Variants in AGBL1 observed in about 807,000 individuals in gnomAD.
AGBL1 encodes the protein cytosolic carboxypeptidase 4.
In AGBL1, 130 loss-of-function variants were observed where a neutral mutation model predicts 118.9. That is an observed-to-expected ratio of 1.09 (90% CI 0.95 to 1.26). The LOEUF is 1.26. Among genes scored for constraint, AGBL1 ranks in the 50% most tolerant of loss-of-function variants. The probability of loss-of-function intolerance (pLI) is 0.00; values close to 1 mark genes in which losing one functional copy is unlikely to be tolerated. For synonymous variants in AGBL1, 555 were observed against 478.9 expected, an observed-to-expected ratio of 1.16 and a Z score of -2.08; for missense variants, 1,584 against 1,298.1, an observed-to-expected ratio of 1.22 and a Z score of -3.38.
intron 5 of AGBL1, among the ~76,000 whole-genome samples, chr15:86,188,359 T>C (rs1235453904): frequency 2.0e-5 from 3 of 152,118 alleles, no homozygotes; most frequent in African/African-American, 7.2e-5. Context: ...GAGTTTGAAA[T>C]CATCTTCTTT....
At chr15:86,733,172 G>C (rs1024148179) in intron 22 of AGBL1, among the ~76,000 whole-genome samples, 1 of 151,816 alleles carries the variant, frequency 6.6e-6, no homozygotes, top group African/African-American at 2.4e-5. Flanking sequence ...CTGCAAGTTG[G>C]AGAACCAAAA....
intron 9 of AGBL1, among the ~76,000 whole-genome samples, chr15:86,259,795 C>A (rs761817725): frequency 1.3e-5 from 2 of 152,240 alleles, no homozygotes; most frequent in Non-Finnish European, 2.9e-5. Flanking sequence ...TTCCCCTCCC[C>A]TCTTGCTTGC....
chr15:86,575,878 GAGCCACCATGATGGGCCTTCATGACCTTT>G (rs1396690260), intron 21 of AGBL1, among the ~76,000 whole-genome samples: 2 of 152,222 alleles, frequency 1.3e-5, no homozygotes, highest in East Asian at 3.9e-4. Flanking sequence ...ATTACGTCTT[GAGCCACCATGATGGGCCTTCATGACCTTT>G]GACTCTGAAA....
At chr15:86,205,609 A>G (rs545075276) in intron 5 of AGBL1, among the ~76,000 whole-genome samples, 63 of 152,348 alleles carry the variant, frequency 4.1e-4, no homozygotes, top group African/African-American at 9.9e-4. Flanking sequence ...CATCCTCACC[A>G]TTCGTCGGTA....
intron 20 of AGBL1, among the ~76,000 whole-genome samples, chr15:86,551,113 T>C (rs1035598541): frequency 6.6e-6 from 1 of 152,068 alleles, no homozygotes; most frequent in South Asian, 2.1e-4. Context: ...TAATTTATAA[T>C]ATTTAGAAAT....
intron 24 of AGBL1, among the ~76,000 whole-genome samples, chr15:87,011,353 A>G (rs1333910789): frequency 6.6e-6 from 1 of 152,188 alleles, no homozygotes; most frequent in African/African-American, 2.4e-5. Flanking sequence ...GTGTTGATCC[A>G]TTGAGAACAT....
chr15:86,452,531 C>T (rs2082207666), intron 18 of AGBL1, among the ~76,000 whole-genome samples: 1 of 152,184 alleles, frequency 6.6e-6, no homozygotes, highest in African/African-American at 2.4e-5. Flanking sequence ...GTCCTTAGCA[C>T]ATGCTTAGCT....
intron 17 of AGBL1, among the ~76,000 whole-genome samples, chr15:86,313,930 C>G (rs1429450879): frequency 6.6e-6 from 1 of 152,046 alleles, no homozygotes; most frequent in Non-Finnish European, 1.5e-5. Flanking sequence ...AGCTGAGGCT[C>G]AAATAATTAG....
chr15:86,617,760 G>GCGCACACA (rs1190179367), intron 21 of AGBL1, among the ~76,000 whole-genome samples: 135 of 146,918 alleles, frequency 9.2e-4, no homozygotes, highest in African/African-American at 3.1e-3. Context: ...AACTTTATGC[G>GCGCACACA]CACACACACA....
At chr15:86,563,080 T>C (rs1169066159) in intron 21 of AGBL1, among the ~76,000 whole-genome samples, 3 of 152,176 alleles carry the variant, frequency 2.0e-5, no homozygotes, top group Admixed American at 6.5e-5. Context: ...TTTGTTGATC[T>C]TTTCCAAAAA....
chr15:86,795,036 A>G (rs1288228177), intron 22 of AGBL1, among the ~76,000 whole-genome samples: 1 of 152,216 alleles, frequency 6.6e-6, no homozygotes, highest in Non-Finnish European at 1.5e-5. Context: ...GGGGATAATC[A>G]ATTAAACAGC....
At chr15:86,872,760 T>C (rs933634392) in intron 22 of AGBL1, among the ~76,000 whole-genome samples, 5 of 152,112 alleles carry the variant, frequency 3.3e-5, no homozygotes, top group African/African-American at 1.2e-4. Flanking sequence ...CGTCTATAAA[T>C]AAATAAATAA....
chr15:86,777,574 A>C (rs1234766182), intron 22 of AGBL1, among the ~76,000 whole-genome samples: 1 of 152,136 alleles, frequency 6.6e-6, no homozygotes, highest in Non-Finnish European at 1.5e-5. Flanking sequence ...ATTTAGGGAG[A>C]ATTGGGATAT....
rs543671983 is a variant in AGBL1 at position 86,735,071 on chromosome 15, G to A, written c.3158+60635G>A. Reference sequence around the variant, plus strand: ...TAAAGATGTTGTTTCTTGGCATATAGTTATAATAATAATTATTATTATTAT... The same window carrying A: ...TAAAGATGTTGTTTCTTGGCATATAATTATAATAATAATTATTATTATTAT... On this transcript the variant is annotated intron_variant, in intron 22 of 22. Coordinates refer to ENST00000614907, the MANE Select transcript of AGBL1 (RefSeq NM_001386094.1). Among the ~76,000 whole-genome samples the A allele has an allele frequency of 7.7e-3, 1,092 of 142,344 alleles. 4 individuals carry two copies. The highest frequency in any genetic ancestry group is 0.023 in the African/African-American group (928 of 40,124). The allele number at this position is 142,344 out of a possible 152,430, so 93.4% of individuals were successfully genotyped here. A position where few individuals can be genotyped will look rare whatever the true frequency, so the allele number is the denominator to read the frequency against.
At chr15:86,330,991 C>T (rs1357608712) in intron 17 of AGBL1, among the ~76,000 whole-genome samples, 4 of 151,964 alleles carry the variant, frequency 2.6e-5, no homozygotes, top group Admixed American at 2.6e-4. Context: ...TTTGGGAGGC[C>T]AAGGCAGGTG....
At chr15:86,591,919 T>C (rs2084342595) in intron 21 of AGBL1, among the ~76,000 whole-genome samples, 1 of 152,178 alleles carries the variant, frequency 6.6e-6, no homozygotes, top group Non-Finnish European at 1.5e-5. Context: ...CAGTCACCAG[T>C]CAATAATTAA....
At chr15:86,557,700 C>A (rs904067360) in intron 21 of AGBL1, among the ~76,000 whole-genome samples, 2 of 152,188 alleles carry the variant, frequency 1.3e-5, no homozygotes, top group African/African-American at 4.8e-5. Flanking sequence ...ATAAAATCCA[C>A]CTCATCATCG....
intron 23 of AGBL1, among the ~76,000 whole-genome samples, chr15:86,965,128 A>G (rs1323957577): frequency 2.0e-5 from 3 of 152,136 alleles, no homozygotes; most frequent in Non-Finnish European, 4.4e-5. Flanking sequence ...ATGACTTATA[A>G]TCCTTTGGGT....
intron 22 of AGBL1, among the ~76,000 whole-genome samples, chr15:86,723,641 AACTT>A (rs1221953646): frequency 1.3e-5 from 2 of 152,192 alleles, no homozygotes; most frequent in African/African-American, 4.8e-5. Context: ...TGTACCCTAA[AACTT>A]AAAGTATAAT....
Sources: allele counts gnomAD v4.1 joint callset (sites outside exome capture counted in the v4.1 genomes callset), GRCh38; gene constraint gnomAD v4.1.1; transcripts MANE v1.5; gene names NCBI Gene and HGNC (gene_info 2026-07-23, HGNC 2026-07-21).